The following NCKAP5 variants were observed in gnomAD, a reference collection of about 807,000 sequenced individuals.
The protein encoded by NCKAP5 is NCK associated protein 5.
In NCKAP5, 92 loss-of-function variants were observed where a neutral mutation model predicts 167.0. The observed-to-expected ratio is 0.55, with a 90% CI of 0.47 to 0.66. The LOEUF (loss-of-function observed/expected upper bound fraction) is 0.66, where lower values mean the gene tolerates loss of function less well. NCKAP5 is among the 30% of genes least tolerant of loss of function. The probability of loss-of-function intolerance (pLI) is 0.00; values close to 1 mark genes in which losing one functional copy is unlikely to be tolerated. For missense variants in NCKAP5, 2,378 were observed against 2,315.0 expected, an observed-to-expected ratio of 1.03 and a Z score of -0.56; for synonymous variants, 891 against 877.4, an observed-to-expected ratio of 1.02 and a Z score of -0.27.
the NCKAP5 span, among the ~76,000 whole-genome samples, chr2:133,589,089 C>A: frequency 1.3e-5 from 2 of 152,104 alleles, no homozygotes; most frequent in African/African-American, 4.8e-5. Flanking sequence ...CATGATCCTG[C>A]CCACAATTCT....
At chr2:132,809,509 A>G (rs116703804) in intron 11 of NCKAP5, among the ~76,000 whole-genome samples, 20 of 123,738 alleles carry the variant, frequency 1.6e-4, no homozygotes, top group Non-Finnish European at 3.1e-4. Context: ...GGCCTTTACC[A>G]TTATATAATG....
intron 11 of NCKAP5, among the ~76,000 whole-genome samples, chr2:132,852,518 C>G (rs1489313419): frequency 6.6e-6 from 1 of 152,156 alleles, no homozygotes; most frequent in Admixed American, 6.5e-5. Flanking sequence ...GAAATTTCAG[C>G]CAGCATGACA....
At chr2:132,942,927 T>C (rs1282594507) in intron 8 of NCKAP5, among the ~76,000 whole-genome samples, 1 of 152,214 alleles carries the variant, frequency 6.6e-6, no homozygotes, top group Non-Finnish European at 1.5e-5. Context: ...AACGAAACAG[T>C]TTGCTAAAAC....
intron 3 of NCKAP5, among the ~76,000 whole-genome samples, chr2:133,402,511 C>G (rs562694702): frequency 3.3e-5 from 5 of 152,148 alleles, no homozygotes; most frequent in Non-Finnish European, 7.3e-5. Flanking sequence ...TCTGTTCCCT[C>G]CAAACCTCAT....
At chr2:133,192,168 C>G (rs1297186306) in intron 5 of NCKAP5, among the ~76,000 whole-genome samples, 8 of 151,802 alleles carry the variant, frequency 5.3e-5, no homozygotes, top group Non-Finnish European at 8.8e-5. Flanking sequence ...TAATTTTTGA[C>G]AAATATGCAA....
chr2:132,787,477 G>A (rs893521517), intron 13 of NCKAP5, among the ~76,000 whole-genome samples: 7 of 152,232 alleles, frequency 4.6e-5, no homozygotes, highest in Non-Finnish European at 1.0e-4. Context: ...ACGCTTATGT[G>A]CAGTGGTTGA....
the NCKAP5 span, among the ~76,000 whole-genome samples, chr2:133,672,047 T>C: frequency 6.6e-6 from 1 of 152,134 alleles, no homozygotes; most frequent in South Asian, 2.1e-4. Context: ...TTGCAATAAA[T>C]GCTATGAAGA....
chr2:133,465,720 A>G (rs969424058), intron 3 of NCKAP5, among the ~76,000 whole-genome samples: 2 of 152,046 alleles, frequency 1.3e-5, no homozygotes, highest in African/African-American at 4.8e-5. Flanking sequence ...GTGAGATGGT[A>G]CCTCATTGTG....
intron 6 of NCKAP5, among the ~76,000 whole-genome samples, chr2:133,104,543 T>C (rs2081620431): frequency 6.6e-6 from 1 of 152,192 alleles, no homozygotes; most frequent in African/African-American, 2.4e-5. Context: ...AAGGCAGCAG[T>C]GTGAATTGCC....
At chr2:133,169,376 C>G (rs1053450955) in intron 5 of NCKAP5, among the ~76,000 whole-genome samples, 2 of 152,166 alleles carry the variant, frequency 1.3e-5, no homozygotes, top group African/African-American at 4.8e-5. Flanking sequence ...ATTGCACAGA[C>G]AAAGCAGTGC....
intron 3 of NCKAP5, among the ~76,000 whole-genome samples, chr2:133,357,454 A>C (rs1275483506): frequency 6.6e-6 from 1 of 152,228 alleles, no homozygotes; most frequent in African/African-American, 2.4e-5. Context: ...AATCAGTCCC[A>C]AAAATTAGAA....
chr2:133,021,885 C>G (rs754675436), intron 6 of NCKAP5, among the ~76,000 whole-genome samples: 4 of 152,206 alleles, frequency 2.6e-5, no homozygotes, highest in Non-Finnish European at 4.4e-5. Flanking sequence ...CCCTCCTCCA[C>G]CTCCCAAAGT....
At chr2:133,443,395 A>G (rs2151171138) in intron 3 of NCKAP5, among the ~76,000 whole-genome samples, 1 of 152,292 alleles carries the variant, frequency 6.6e-6, no homozygotes. Context: ...GGCTGGTCTG[A>G]AGGACCCCAA....
chr2:133,634,900 C>T, the NCKAP5 span, among the ~76,000 whole-genome samples: 3 of 150,864 alleles, frequency 2.0e-5, no homozygotes, highest in African/African-American at 7.3e-5. Flanking sequence ...CAGAGTCTCA[C>T]TCTGTCACCC....
the NCKAP5 span, among the ~76,000 whole-genome samples, chr2:133,623,476 A>G: frequency 5.8e-4 from 89 of 152,276 alleles, no homozygotes; most frequent in Middle Eastern, 3.4e-3. Flanking sequence ...AATCCCATCA[A>G]AAACTGGGAT....
chr2:133,465,382 C>T (rs868808064), intron 3 of NCKAP5, among the ~76,000 whole-genome samples: 46 of 151,786 alleles, frequency 3.0e-4, no homozygotes, highest in African/African-American at 1.1e-3. Context: ...TGTATATGTG[C>T]CACATTTTCT....
intron 8 of NCKAP5, among the ~76,000 whole-genome samples, chr2:132,923,924 T>G (rs1026587771): frequency 1.3e-5 from 2 of 152,204 alleles, no homozygotes; most frequent in African/African-American, 4.8e-5. Flanking sequence ...CATATTTGGA[T>G]AGGATCTGAC....
rs377434510 is a variant in NCKAP5 at position 132,731,916 on chromosome 2, T to C, written c.5264A>G (p.Gln1755Arg). Residue 1755 changes from glutamine to arginine, a missense_variant, in exon 17 of 20, where the codon CAG becomes CGG. This residue lies in a region of NCKAP5 where 1,325 missense variants were observed against 1,274.5 expected (regional missense o/e 1.04). Transcript: ENST00000409261. ...GGAAGAAACTGCAGAAAGGGCTGAC[T>C]GGAGAGGCAGGAGAGGCTCAGCGTC... ...PEDAEPLLPL[Q>R]SALSAVSSMR... The C allele has an allele frequency of 6.2e-7, 1 of 1,613,916 alleles. No homozygotes were observed. Among genetic ancestry groups the C allele is most frequent in the Non-Finnish European group, 8.5e-7 (1 of 1,179,878 alleles).
intron 6 of NCKAP5, among the ~76,000 whole-genome samples, chr2:133,013,442 G>C (rs2078227914): frequency 1.3e-5 from 2 of 152,216 alleles, no homozygotes; most frequent in Non-Finnish European, 2.9e-5. Context: ...AAGGTGAAAG[G>C]CACGTTTCAC....
Sources: gnomAD v4.1 joint callset for allele counts (sites outside exome capture counted in the v4.1 genomes callset) on GRCh38, gnomAD v4.1.1 for gene constraint, gnomAD v4.1.1 regional missense constraint, MANE v1.5 for transcripts, NCBI Gene and HGNC (gene_info 2026-07-23, HGNC 2026-07-21) for gene names.